The following SGCZ variants were observed in gnomAD, a reference collection of about 807,000 sequenced individuals.
SGCZ encodes the protein zeta-sarcoglycan.
Under a neutral mutation model 41.3 loss-of-function variants are expected in SGCZ, and 40 were observed. The observed-to-expected ratio is 0.97, with a 90% CI of 0.75 to 1.26. SGCZ has a LOEUF of 1.26. SGCZ is among the 50% of genes most tolerant of loss of function. The pLI, the probability that SGCZ is intolerant of heterozygous loss-of-function variation, is 0.00. For synonymous variants in SGCZ, 206 were observed against 137.5 expected, an observed-to-expected ratio of 1.50 and a Z score of -3.49; for missense variants, 552 against 369.8, an observed-to-expected ratio of 1.49 and a Z score of -4.04.
At chr8:14,516,723 G>T (rs542687415) in intron 2 of SGCZ, among the ~76,000 whole-genome samples, 1 of 151,986 alleles carries the variant, frequency 6.6e-6, no homozygotes, top group Non-Finnish European at 1.5e-5. Context: ...GTTGACATGC[G>T]TCTTTCATCA....
At chr8:14,237,437 C>A (rs551707831) in intron 4 of SGCZ, among the ~76,000 whole-genome samples, 155 bp downstream of exon 4, 1 of 151,874 alleles carries the variant, frequency 6.6e-6, no homozygotes, top group East Asian at 1.9e-4. Flanking sequence ...CCGCCTCAGC[C>A]TCCCAAAGTG....
At chr8:14,590,707 A>G (rs1585105733) in intron 1 of SGCZ, among the ~76,000 whole-genome samples, 1 of 148,642 alleles carries the variant, frequency 6.7e-6, no homozygotes, top group African/African-American at 2.4e-5. Context: ...ATGTATAAAC[A>G]GTATATACTA....
chr8:14,622,840 G>C (rs1043803743), intron 1 of SGCZ, among the ~76,000 whole-genome samples: 3 of 152,172 alleles, frequency 2.0e-5, no homozygotes, highest in Non-Finnish European at 4.4e-5. Flanking sequence ...TCAAAATATA[G>C]TTAGTTCAAT....
chr8:14,443,354 T>G (rs1262981135), intron 2 of SGCZ, among the ~76,000 whole-genome samples: 1 of 152,156 alleles, frequency 6.6e-6, no homozygotes, highest in South Asian at 2.1e-4. Context: ...CATCGCCAAG[T>G]CAATCCTAAG....
At chr8:15,094,152 T>C (rs1806251237) in intron 1 of SGCZ, among the ~76,000 whole-genome samples, 1 of 152,130 alleles carries the variant, frequency 6.6e-6, no homozygotes, top group South Asian at 2.1e-4. Context: ...TTTTTTTTTT[T>C]GAGACACGGT....
chr8:15,005,313 C>CAT, intron 1 of SGCZ, among the ~76,000 whole-genome samples: 1 of 86,844 alleles, frequency 1.2e-5, no homozygotes, highest in Non-Finnish European at 2.5e-5. Context: ...CCCCCTCCCC[C>CAT]GTTTTTTTCT....
At chr8:14,404,031 G>A (rs1308400914) in intron 2 of SGCZ, among the ~76,000 whole-genome samples, 2 of 152,034 alleles carry the variant, frequency 1.3e-5, no homozygotes, top group Non-Finnish European at 2.9e-5. Context: ...GATGGAGGAG[G>A]GGGGCCAACA....
intron 3 of SGCZ, among the ~76,000 whole-genome samples, chr8:14,241,626 A>C (rs1333843641): frequency 7.9e-5 from 12 of 151,864 alleles, no homozygotes; most frequent in Admixed American, 7.9e-4. Context: ...AACAGAAATA[A>C]GGTATCTCAT....
intron 5 of SGCZ, among the ~76,000 whole-genome samples, chr8:14,163,657 C>T (rs1034196226): frequency 2.6e-5 from 4 of 152,100 alleles, no homozygotes; most frequent in Non-Finnish European, 5.9e-5. Flanking sequence ...AAATCAGAGG[C>T]ATCTAGAGTT....
intron 4 of SGCZ, among the ~76,000 whole-genome samples, chr8:14,212,943 G>A (rs971020478): frequency 6.6e-6 from 1 of 152,008 alleles, no homozygotes; most frequent in African/African-American, 2.4e-5. Flanking sequence ...GATTCTGGAT[G>A]GGATTAATAG....
intron 4 of SGCZ, among the ~76,000 whole-genome samples, chr8:14,232,027 CTAT>C (rs1325332583): frequency 2.0e-5 from 3 of 151,786 alleles, no homozygotes; most frequent in Non-Finnish European, 4.4e-5. Flanking sequence ...AACATGGATG[CTAT>C]TATTAATAGA....
chr8:14,267,093 TA>T (rs1183402156), intron 3 of SGCZ, among the ~76,000 whole-genome samples: 1 of 152,112 alleles, frequency 6.6e-6, no homozygotes, highest in African/African-American at 2.4e-5. Flanking sequence ...ATTTGGAATA[TA>T]ATGAGTGTGG....
At chr8:14,826,383 G>T (rs559841317) in intron 1 of SGCZ, among the ~76,000 whole-genome samples, 1 of 151,990 alleles carries the variant, frequency 6.6e-6, no homozygotes, top group Non-Finnish European at 1.5e-5. Context: ...GAATAGTGCC[G>T]CAATAAACAT....
At chr8:14,531,652 A>G (rs1475358092) in intron 2 of SGCZ, among the ~76,000 whole-genome samples, 2 of 152,104 alleles carry the variant, frequency 1.3e-5, no homozygotes, top group African/African-American at 2.4e-5. Context: ...GATAATGAAG[A>G]GTAACTTGAT....
At chr8:14,707,142 G>A (rs998539574) in intron 1 of SGCZ, among the ~76,000 whole-genome samples, 4 of 150,994 alleles carry the variant, frequency 2.6e-5, no homozygotes, top group South Asian at 2.1e-4. Flanking sequence ...TCATTAACTC[G>A]TTATGGCATT....
intron 1 of SGCZ, among the ~76,000 whole-genome samples, chr8:15,117,278 G>C (rs2116942306): frequency 6.6e-6 from 1 of 152,004 alleles, no homozygotes; most frequent in South Asian, 2.1e-4. Flanking sequence ...AGAATGGCGT[G>C]AACCTGGGAG....
intron 5 of SGCZ, among the ~76,000 whole-genome samples, chr8:14,139,775 A>G (rs1448630718): frequency 6.6e-6 from 1 of 152,234 alleles, no homozygotes; most frequent in African/African-American, 2.4e-5. Context: ...AGCTGGTACC[A>G]TTCCTTCTGA....
Position 15,127,861 on chromosome 8 carries a change from A to G in SGCZ, c.39+109724T>C, listed in dbSNP as rs189006244. 2.6e-3 allele frequency among the ~76,000 whole-genome samples: 394 copies of G among 152,306 alleles called. 1 individual carries two copies. Among genetic ancestry groups the G allele is most frequent in the African/African-American group, 9.1e-3 (380 of 41,560 alleles). On this transcript the variant is annotated intron_variant, in intron 1 of 7. Transcript: ENST00000382080. ...CCTAATTTTTACATTTCCAGTTTTG[A>G]CATGTAATTTTTCAAGCCTTACAAT...
intron 1 of SGCZ, among the ~76,000 whole-genome samples, chr8:14,820,792 C>G (rs1375321286): frequency 1.3e-5 from 2 of 149,016 alleles, no homozygotes; most frequent in Non-Finnish European, 3.0e-5. Context: ...TTGAGACAAA[C>G]AAAAAGGGAA....
Sources: allele counts gnomAD v4.1 joint callset (sites outside exome capture counted in the v4.1 genomes callset), GRCh38; gene constraint gnomAD v4.1.1; transcripts MANE v1.5; gene names NCBI Gene and HGNC (gene_info 2026-07-23, HGNC 2026-07-21).